KLK7: variants seen among roughly 807,000 people sequenced by gnomAD.
KLK7 encodes kallikrein-7.
KLK7 carries 17 observed loss-of-function variants against 21.0 expected under a neutral mutation model. The observed-to-expected ratio is 0.81, with a 90% CI of 0.55 to 1.21. The LOEUF (loss-of-function observed/expected upper bound fraction) is 1.21. Ranked by LOEUF, KLK7 falls within the 50% of genes most tolerant of loss-of-function variation. The pLI, the probability that KLK7 is intolerant of heterozygous loss-of-function variation, is 0.00. For missense variants in KLK7, 330 were observed against 322.8 expected, an observed-to-expected ratio of 1.02 and a Z score of -0.17; for synonymous variants, 151 against 134.6, an observed-to-expected ratio of 1.12 and a Z score of -0.85.
In KLK7 at chr19:50,981,854, A is replaced by G. The variant is rs199801995; in HGVS notation, c.134T>C (p.Val45Ala). 18 of 1,611,654 alleles carry G rather than the reference A, an allele frequency of 1.1e-5. No individual in the cohort carries two copies. The East Asian group carries it at 1.6e-4, about 14-fold the overall frequency. The change falls in exon 3 of 6, where the codon GTG becomes GCG. Residue 45 changes from valine (V) to alanine (A), a missense_variant. By Grantham distance (64) the Val-to-Ala change is moderately conservative. Coordinates refer to ENST00000595820, the MANE Select transcript of KLK7 (RefSeq NM_005046.4). Reference protein sequence around the residue: ...PCARGSHPWQVALLSGNQLHC... With the variant: ...PCARGSHPWQAALLSGNQLHC... The stretch of plus-strand genomic sequence containing the variant: ...GAGCTGATTGCCACTGAGCAGGGCC[A>G]CCTGCCATGGGTGGGAGCCTCTTGC...
At position 50,980,363 on chromosome 19, in the gene KLK7, C is replaced by T. The variant is rs762639717; in HGVS notation, c.346G>A (p.Val116Met). The change falls in exon 4 of 6, where the codon GTG becomes ATG. Residue 116 changes from valine to methionine, a missense_variant. Transcript: ENST00000595820. ...AGCCTGGCCTGGCTATTGAGCTTCA[C>T]GAGCATGAGGTCATTAACATGGGTC... is the stretch of plus-strand genomic sequence containing the variant. ...TQTHVNDLML[V>M]KLNSQARLSS... is the part of the protein sequence containing the mutation. The T allele has an allele frequency of 3.5e-5, 56 of 1,613,896 alleles. No homozygotes were observed. The East Asian group carries it at 6.2e-4, about 18-fold the overall frequency.
rs1397233076 is a variant in KLK7 at position 50,977,645 on chromosome 19, A to G, written c.653T>C (p.Leu218Pro). 1 of 1,613,840 alleles carries G rather than the reference A, an allele frequency of 6.2e-7. No individual in the cohort carries two copies. Among genetic ancestry groups the G allele is most frequent in the Non-Finnish European group, 8.5e-7 (1 of 1,180,024 alleles). ...PLVCRGTLQG[L>P]VSWGTFPCGQ... ...GCAAGGGAAAGTTCCCCAGGACACC[A>G]GACCTTGCAGGGTACCTCTGCACAC... Residue 218 changes from leucine to proline, a missense_variant, in exon 6 of 6, where the codon CTG (leucine) becomes CCG (proline). Leu to Pro is a moderately conservative substitution (Grantham distance 98). Coordinates refer to ENST00000595820, the MANE Select transcript of KLK7 (RefSeq NM_005046.4).
intron 2 of KLK7, 32 bp downstream of exon 2, chr19:50,982,295 G>A (rs769891189): frequency 1.2e-6 from 2 of 1,600,088 alleles, no homozygotes; most frequent in East Asian, 2.2e-5. Context: ...GGGGCCCTGA[G>A]GTGAGGTCAG....
At chr19:50,978,780 G>GA (rs2091055248) in intron 5 of KLK7, among the ~76,000 whole-genome samples, 1 of 146,790 alleles carries the variant, frequency 6.8e-6, no homozygotes, top group Non-Finnish European at 1.5e-5. Context: ...CAGTAAAAAG[G>GA]AGGGGGCAAG....
intron 3 of KLK7, among the ~76,000 whole-genome samples, chr19:50,981,126 CAG>C (rs2091079859): frequency 7.4e-6 from 1 of 134,492 alleles, no homozygotes; most frequent in Non-Finnish European, 1.5e-5. Context: ...GAACAGAGAC[CAG>C]AGAGAGAGGG....
At chr19:50,979,012 G>A (rs2091056961) in intron 5 of KLK7, among the ~76,000 whole-genome samples, 1 of 152,076 alleles carries the variant, frequency 6.6e-6, no homozygotes, top group Admixed American at 6.6e-5. Flanking sequence ...GAGCAAGCTA[G>A]CTCAACACAG....
chr19:50,981,720 G>A, intron 3 of KLK7, 47 bp downstream of exon 3: 2 of 1,511,016 alleles, frequency 1.3e-6, no homozygotes, highest in Non-Finnish European at 1.8e-6. Flanking sequence ...CCCATAGCGA[G>A]CTGGAGACGC....
Position 50,977,653 on chromosome 19 carries a change from C to A in KLK7, c.645G>T (p.Leu215=), listed in dbSNP as rs2091047752. ...AAGTTCCCCAGGACACCAGACCTTG[C>A]AGGGTACCTCTGCACACCAACGGTC... ...SGGPLVCRGT[L]QGLVSWGTFP... Residue 215 remains leucine (L), a synonymous_variant, in exon 6 of 6, where the codon CTG becomes CTT. Coordinates refer to ENST00000595820, the MANE Select transcript of KLK7 (RefSeq NM_005046.4). 1 of 1,613,688 alleles carries A rather than the reference C, an allele frequency of 6.2e-7. No homozygotes were observed. The highest frequency in any genetic ancestry group is 1.3e-5 in the African/African-American group (1 of 75,020).
At chr19:50,981,938 C>T (rs1654523) in intron 2 of KLK7, 24 bp from the exon 3 acceptor site, 1,473,330 of 1,610,884 alleles carry the variant, frequency 0.91, 674,450 homozygotes, top group East Asian at 1. Flanking sequence ...TGGAGGAGCA[C>T]GTGGGTAGCT....
chr19:50,980,150 G>C, intron 4 of KLK7, 90 bp downstream of exon 4: 1 of 1,420,608 alleles, frequency 7.0e-7, no homozygotes, highest in South Asian at 1.3e-5. Flanking sequence ...GGACTCCTGG[G>C]TCTGAGGGAG....
chr19:50,977,657 G>C lies in KLK7; in HGVS notation c.641C>G (p.Thr214Ser). 1 of 1,613,644 alleles carries C rather than the reference G, an allele frequency of 6.2e-7. No individual in the cohort carries two copies. Among genetic ancestry groups the C allele is most frequent in the South Asian group, 1.1e-5 (1 of 91,062 alleles). Residue 214 changes from threonine (T) to serine (S), a missense_variant, in exon 6 of 6, where the codon ACC becomes AGC. Coordinates refer to ENST00000595820, the MANE Select transcript of KLK7 (RefSeq NM_005046.4). Reference protein sequence around the residue: ...DSGGPLVCRGTLQGLVSWGTF... With the variant: ...DSGGPLVCRGSLQGLVSWGTF... Reference sequence around the variant, plus strand: ...TCCCCAGGACACCAGACCTTGCAGGGTACCTCTGCACACCAACGGTCCCCC... The same window carrying C: ...TCCCCAGGACACCAGACCTTGCAGGCTACCTCTGCACACCAACGGTCCCCC...
At chr19:50,980,679 G>A (rs1017893014) in intron 3 of KLK7, among the ~76,000 whole-genome samples, 192 bp from the exon 4 acceptor site, 2 of 137,214 alleles carry the variant, frequency 1.5e-5, no homozygotes, top group East Asian at 2.2e-4. Context: ...GAGCCCCAGA[G>A]AGAGGGAGAC....
At position 50,977,473 on chromosome 19, in the gene KLK7, T is replaced by C. The variant is rs2091046174; in HGVS notation, c.*63A>G. The C allele has an allele frequency of 2.0e-6, 3 of 1,518,640 alleles. No homozygotes were observed. The highest frequency in any genetic ancestry group is 1.8e-6 in the Non-Finnish European group (2 of 1,096,700). The allele number at this position is 1,518,640 out of a possible 1,614,324, so 94.1% of individuals were successfully genotyped here. A position where few individuals can be genotyped will look rare whatever the true frequency, so the allele number is the denominator to read the frequency against. Reference sequence around the variant, plus strand: ...AAGTCAAATTTGACTTCATAGGTCATCGGCGTCCTCACTCCTGTGCATTTT... The same window carrying C: ...AAGTCAAATTTGACTTCATAGGTCACCGGCGTCCTCACTCCTGTGCATTTT... On this transcript the variant is annotated 3_prime_UTR_variant, in exon 6 of 6. Coordinates refer to ENST00000595820, the MANE Select transcript of KLK7 (RefSeq NM_005046.4).
At chr19:50,980,062 G>C in intron 4 of KLK7, 138 bp from the exon 5 acceptor site, 1 of 1,268,904 alleles carries the variant, frequency 7.9e-7, no homozygotes, top group Non-Finnish European at 1.1e-6. Context: ...GAGGGGCTGG[G>C]GTCTGGACTC....
Position 50,982,413 on chromosome 19 carries a change from G to A in KLK7, c.-14C>T, listed in dbSNP as rs760117463. 6.2e-7 allele frequency: 1 copy of A among 1,602,214 alleles called. No homozygotes were observed. Among genetic ancestry groups the A allele is most frequent in the East Asian group, 2.2e-5 (1 of 44,618 alleles). On this transcript the variant is annotated 5_prime_UTR_variant, in exon 2 of 6. Transcript: ENST00000595820. Reference sequence around the variant, plus strand: ...GGATCTTGCCATGGTGCCCTGCTGAGCCGCTCAGGGGCTGCCAGGCGAGGA... The same window carrying A: ...GGATCTTGCCATGGTGCCCTGCTGAACCGCTCAGGGGCTGCCAGGCGAGGA...
At chr19:50,978,678 A>G (rs1250653065) in intron 5 of KLK7, among the ~76,000 whole-genome samples, 1 of 142,346 alleles carries the variant, frequency 7.0e-6, no homozygotes, top group African/African-American at 2.7e-5. Flanking sequence ...GAGAGACTGG[A>G]AGAGAGGAGG....
intron 5 of KLK7, among the ~76,000 whole-genome samples, chr19:50,979,395 T>A (rs2091059299): frequency 6.6e-6 from 1 of 152,254 alleles, no homozygotes; most frequent in Non-Finnish European, 1.5e-5. Context: ...CTGCTCTTTA[T>A]TTAAAATGTG....
At chr19:50,979,113 G>T (rs562431965) in intron 5 of KLK7, among the ~76,000 whole-genome samples, 2 of 152,088 alleles carry the variant, frequency 1.3e-5, no homozygotes, top group Non-Finnish European at 2.9e-5. Context: ...ATGACAAAAG[G>T]CCAGAAAGAG....
chr19:50,981,264 G>T (rs2091082705), intron 3 of KLK7, among the ~76,000 whole-genome samples: 1 of 139,950 alleles, frequency 7.1e-6, no homozygotes, highest in Non-Finnish European at 1.5e-5. Flanking sequence ...GAGGGACAGA[G>T]ACCCAGAAAG....
Sources: allele counts gnomAD v4.1 joint callset (sites outside exome capture counted in the v4.1 genomes callset), GRCh38; gene constraint gnomAD v4.1.1; transcripts MANE v1.5; gene names NCBI Gene and HGNC (gene_info 2026-07-23, HGNC 2026-07-21).